RAMACL: variants seen among roughly 807,000 people sequenced by gnomAD.
RAMACL encodes RNA guanine-N7 methyltransferase-activating subunit-like protein.
Under a neutral mutation model 13.4 loss-of-function variants are expected in RAMACL, and 9 were observed. That is an observed-to-expected ratio of 0.67 (90% confidence interval 0.41 to 1.17). The LOEUF is 1.17. RAMACL is among the 50% of genes most tolerant of loss of function. The pLI is 0.01. For synonymous variants in RAMACL, 39 were observed against 49.3 expected, an observed-to-expected ratio of 0.79 and a Z score of 0.88; for missense variants, 124 against 141.6, an observed-to-expected ratio of 0.88 and a Z score of 0.63.
downstream of RAMACL, among the ~76,000 whole-genome samples, chr6:166,583,609 G>A (rs138074093): frequency 8.5e-4 from 130 of 152,300 alleles, no homozygotes; most frequent in African/African-American, 3.0e-3. Context: ...ATGTCTTCAC[G>A]TGACAGTTTG....
chr6:166,584,885 T>C (rs1785120692), downstream of RAMACL, among the ~76,000 whole-genome samples: 1 of 152,232 alleles, frequency 6.6e-6, no homozygotes, highest in Non-Finnish European at 1.5e-5. Context: ...ACTCAGGGTT[T>C]ACAATAACAA....
exon 1 of RAMACL, chr6:166,586,545 G>T: frequency 6.8e-7 from 1 of 1,475,304 alleles, no homozygotes; most frequent in Non-Finnish European, 9.2e-7. Context: ...TCCGCCAAGG[G>T]CTATGTCTAT....
downstream of RAMACL, among the ~76,000 whole-genome samples, chr6:166,585,603 C>T: frequency 1.6e-5 from 1 of 61,172 alleles, no homozygotes; most frequent in East Asian, 4.2e-4. Context: ...TAAGGAATCA[C>T]AAAGTACCAT....
chr6:166,586,198 G>A, exon 1 of RAMACL: 1 of 1,586,244 alleles, frequency 6.3e-7, no homozygotes, highest in South Asian at 1.1e-5. Context: ...TCTTGTCTGT[G>A]TTGCGGGTAG....
chr6:166,584,850 C>T (rs537158558), downstream of RAMACL, among the ~76,000 whole-genome samples: 217 of 152,278 alleles, frequency 1.4e-3, no homozygotes, highest in African/African-American at 5.1e-3. Context: ...AATATTGGTC[C>T]AGAAACTCAG....
downstream of RAMACL, among the ~76,000 whole-genome samples, chr6:166,585,174 A>G (rs4710072): frequency 0.16 from 23,659 of 152,258 alleles, 1,898 homozygotes; most frequent in South Asian, 0.21. Context: ...CCTGAAATAC[A>G]TGAAAAAAGA....
downstream of RAMACL, among the ~76,000 whole-genome samples, chr6:166,585,463 T>A (rs1307851443): frequency 6.7e-6 from 1 of 150,334 alleles, no homozygotes; most frequent in African/African-American, 2.4e-5. Context: ...CTTTTAAGGT[T>A]AAAGAGAAAA....
downstream of RAMACL, among the ~76,000 whole-genome samples, chr6:166,583,014 C>T (rs537990225): frequency 6.6e-6 from 1 of 152,166 alleles, no homozygotes; most frequent in Non-Finnish European, 1.5e-5. Context: ...TTGACTTGGT[C>T]GTTGACTGCT....
At chr6:166,586,569 A>C in exon 1 of RAMACL, 1 of 1,265,078 alleles carries the variant, frequency 7.9e-7, no homozygotes, top group Non-Finnish European at 1.1e-6. Context: ...GCTCAGGCCG[A>C]ACCCCGCCGG....
chr6:166,583,350 G>A (rs1326901703), downstream of RAMACL, among the ~76,000 whole-genome samples: 2 of 152,174 alleles, frequency 1.3e-5, no homozygotes, highest in African/African-American at 2.4e-5. Context: ...CAGCACTGTC[G>A]CTGTGATCTG....
chr6:166,584,760 T>C (rs1019730928), downstream of RAMACL, among the ~76,000 whole-genome samples: 8 of 152,232 alleles, frequency 5.3e-5, no homozygotes, highest in Admixed American at 2.0e-4. Flanking sequence ...AGTAAATACG[T>C]TGAGGAGCTG....
chr6:166,583,071 G>T (rs974653199), downstream of RAMACL, among the ~76,000 whole-genome samples: 1 of 152,042 alleles, frequency 6.6e-6, no homozygotes, highest in Admixed American at 6.5e-5. Flanking sequence ...GCATATACAC[G>T]ATAATTATTT....
chr6:166,583,865 T>C (rs1562594745), downstream of RAMACL, among the ~76,000 whole-genome samples: 1 of 152,206 alleles, frequency 6.6e-6, no homozygotes, highest in Non-Finnish European at 1.5e-5. Context: ...TTCTATCTAA[T>C]GGTAACATAG....
chr6:166,585,080 G>GAA (rs1785126537), downstream of RAMACL, among the ~76,000 whole-genome samples: 1 of 152,030 alleles, frequency 6.6e-6, no homozygotes, highest in African/African-American at 2.4e-5. Flanking sequence ...TGGTGACGAT[G>GAA]TTGCTACAAC....
chr6:166,586,462 C>T lies in RAMACL; in HGVS notation c.16G>A (p.Glu6Lys), dbSNP rs62622844. The T allele has an allele frequency of 1.6e-5, 25 of 1,598,434 alleles. 4 individuals are homozygous for T. The African/African-American group carries it at 1.8e-4, about 11-fold the overall frequency. The change falls in exon 1 of 1, where the codon GAA becomes AAA. Residue 6 changes from glutamate (E) to lysine (K), a missense_variant. Glu to Lys is a moderately conservative substitution (Grantham distance 56, BLOSUM62 1). Coordinates refer to ENST00000444122, the Ensembl canonical transcript of RAMACL. ...ATCTCTTCAAAATTTGGAACAGCTT[C>T]GGCAGTGTCAGTCATTCTGAAAATC...
exon 1 of RAMACL, chr6:166,586,123 A>C: frequency 2.8e-6 from 4 of 1,447,130 alleles, no homozygotes; most frequent in Non-Finnish European, 2.8e-6. Flanking sequence ...CATTTCTATC[A>C]GTAGTAACCG....
At chr6:166,583,555 C>T (rs1785083698), downstream of RAMACL, among the ~76,000 whole-genome samples, 2 of 152,204 alleles carry the variant, frequency 1.3e-5, no homozygotes, top group Admixed American at 6.5e-5. Flanking sequence ...CCAGGGTTCC[C>T]CACCCACTGT....
At chr6:166,585,080 G>A (rs115898938), downstream of RAMACL, among the ~76,000 whole-genome samples, 16,875 of 152,126 alleles carry the variant, frequency 0.11, 3,131 homozygotes, top group African/African-American at 0.39. Context: ...TGGTGACGAT[G>A]TTGCTACAAC....
exon 1 of RAMACL, chr6:166,586,293 C>T (rs1785171009): frequency 1.3e-6 from 2 of 1,598,518 alleles, no homozygotes; most frequent in Non-Finnish European, 1.7e-6. Context: ...TCTGAACTGT[C>T]TGTTGTCTTG....
Sources: gnomAD v4.1 joint callset for allele counts (sites outside exome capture counted in the v4.1 genomes callset) on GRCh38, gnomAD v4.1.1 for gene constraint, MANE v1.5 for transcripts, NCBI Gene and HGNC (gene_info 2026-07-23, HGNC 2026-07-21) for gene names.